Variants in LRRC37B observed in about 807,000 individuals in gnomAD.
LRRC37B encodes the protein leucine-rich repeat-containing protein 37B.
A neutral mutation model predicts 98.3 loss-of-function variants in LRRC37B; 28 were observed. The ratio of observed to expected loss-of-function variants is 0.28; its 90% CI spans 0.21 to 0.39. The LOEUF (loss-of-function observed/expected upper bound fraction) is 0.39, where lower values mean the gene tolerates loss of function less well. Ranked by LOEUF, LRRC37B falls within the 10% of genes least tolerant of loss-of-function variation. The probability of loss-of-function intolerance (pLI) is 1.00; values close to 1 mark genes in which losing one functional copy is unlikely to be tolerated. For synonymous variants in LRRC37B, 364 were observed against 442.7 expected, an observed-to-expected ratio of 0.82 and a Z score of 2.23; for missense variants, 938 against 1,182.7, an observed-to-expected ratio of 0.79 and a Z score of 3.03.
upstream of LRRC37B, chr17:32,007,865 C>T: frequency 9.0e-7 from 1 of 1,113,720 alleles, no homozygotes; most frequent in Non-Finnish European, 1.1e-6. This position sits in a 1 kb window ranked among gnomAD's most constrained non-coding sequence, Gnocchi z 4.1. Flanking sequence ...CACCAGCGCA[C>T]GGGCCCGGCG....
intron 7 of LRRC37B, among the ~76,000 whole-genome samples, chr17:32,039,475 T>TAAAA (rs1290296086): frequency 6.9e-5 from 4 of 57,734 alleles, no homozygotes; most frequent in African/African-American, 2.0e-4. Context: ...AGAACCTGCC[T>TAAAA]AAAAATATAT....
chr17:32,032,498 G>A (rs2142249496), intron 5 of LRRC37B, among the ~76,000 whole-genome samples: 1 of 152,060 alleles, frequency 6.6e-6, no homozygotes, highest in African/African-American at 2.4e-5. Context: ...AATCAGAGTG[G>A]GTATATTCAA....
Position 32,047,905 on chromosome 17 carries a change from A to G in LRRC37B, c.2464+4A>G. 6.2e-7 allele frequency: 1 copy of G among 1,614,162 alleles called. No homozygotes were observed. Among genetic ancestry groups the G allele is most frequent in the Non-Finnish European group, 8.5e-7 (1 of 1,180,014 alleles). On this transcript the variant is annotated splice_donor_region_variant and intron_variant, in intron 9 of 11. Transcript: ENST00000327564. ...ATCAACTTGTCAGGCTTTGGGGGTG[A>G]GCAGCTAGACACCAATGACGAGAGT... is the stretch of plus-strand genomic sequence containing the variant.
chr17:32,015,306 CAAGT>C (rs1910626528), intron 1 of LRRC37B, among the ~76,000 whole-genome samples: 2 of 152,134 alleles, frequency 1.3e-5, no homozygotes, highest in East Asian at 3.8e-4. Flanking sequence ...TAACATTTGA[CAAGT>C]AAGTTTCATA....
At chr17:32,051,700 C>T (rs1447583048) in intron 11 of LRRC37B, 1 of 152,088 alleles carries the variant, frequency 6.6e-6, no homozygotes, top group African/African-American at 2.4e-5. Context: ...GACCTTGTCT[C>T]AAAAACAGCC....
At chr17:32,023,999 T>C (rs569144380) in intron 1 of LRRC37B, among the ~76,000 whole-genome samples, 606 of 151,766 alleles carry the variant, frequency 4.0e-3, no homozygotes, top group African/African-American at 0.014. Flanking sequence ...TCTTAAAGAG[T>C]ACACAATGAG....
chr17:32,013,416 A>T (rs57470968), intron 1 of LRRC37B, among the ~76,000 whole-genome samples: 2,922 of 152,234 alleles, frequency 0.019, 79 homozygotes, highest in African/African-American at 0.064. Flanking sequence ...AATACGATTG[A>T]TAATGACTGG....
intron 7 of LRRC37B, chr17:32,042,413 G>A (rs574240375): frequency 5.2e-4 from 84 of 161,228 alleles, no homozygotes; most frequent in African/African-American, 1.9e-3. Context: ...CAAGCACAAA[G>A]GCTCCAGTGA....
intron 7 of LRRC37B, chr17:32,040,917 C>T (rs1454598556): frequency 7.3e-6 from 7 of 954,660 alleles, no homozygotes; most frequent in African/African-American, 1.6e-5. Context: ...GGAGGGCCGC[C>T]GCCTGGACTT....
chr17:32,029,563 T>A (rs542651173), intron 3 of LRRC37B, among the ~76,000 whole-genome samples: 125 of 152,138 alleles, frequency 8.2e-4, no homozygotes, highest in Non-Finnish European at 1.4e-3. Context: ...CCCATTTGAA[T>A]AGGACTTTGA....
intron 7 of LRRC37B, chr17:32,040,697 G>T: frequency 2.6e-6 from 2 of 780,420 alleles, no homozygotes; most frequent in Non-Finnish European, 4.8e-6. Flanking sequence ...AGTTGGAGGG[G>T]CTCCTGAGCG....
chr17:32,050,856 C>T, intron 11 of LRRC37B, among the ~76,000 whole-genome samples: 1 of 152,176 alleles, frequency 6.6e-6, no homozygotes, highest in Non-Finnish European at 1.5e-5. Context: ...AGTGCCCATT[C>T]CTGGAGCTCG....
chr17:32,023,271 G>A lies in LRRC37B; in HGVS notation c.1760+446G>A, dbSNP rs541329339. On this transcript the variant is annotated intron_variant, in intron 1 of 11. Transcript: ENST00000327564. ...TGAGTTGCTGAGATTACAGGCATGCGCCACCACACCTGGCTAATTTTTTGT... is the reference window on the plus strand; with the variant it reads ...TGAGTTGCTGAGATTACAGGCATGCACCACCACACCTGGCTAATTTTTTGT... Among the ~76,000 whole-genome samples the A allele has an allele frequency of 2.6e-5, 4 of 152,106 alleles. 1 individual carries two copies. The highest frequency in any genetic ancestry group is 9.6e-5 in the African/African-American group (4 of 41,504).
intron 8 of LRRC37B, 163 bp from the exon 12 acceptor site, chr17:32,047,598 C>T (rs1453842049): frequency 3.0e-6 from 3 of 1,004,248 alleles, no homozygotes; most frequent in Admixed American, 2.3e-5. Flanking sequence ...TTCGTTGTTG[C>T]CATTTCATAG....
upstream of LRRC37B, chr17:32,007,887 G>T (rs980183321): frequency 2.0e-6 from 2 of 983,146 alleles, no homozygotes; most frequent in Middle Eastern, 4.0e-4. The surrounding 1 kb of genome is among the most constrained non-coding windows in gnomAD (Gnocchi z 4.1). Flanking sequence ...GGGCGCGGGG[G>T]CAGCCACCTA....
exon 1 of LRRC37B, chr17:32,021,268 C>A: frequency 6.2e-7 from 1 of 1,613,120 alleles, no homozygotes; most frequent in Non-Finnish European, 8.5e-7. Context: ...ACCTCTAACC[C>A]CCTGGGGCCA....
chr17:32,036,967 A>G (rs1393781992), intron 7 of LRRC37B, among the ~76,000 whole-genome samples: 1 of 135,898 alleles, frequency 7.4e-6, no homozygotes, highest in Non-Finnish European at 1.5e-5. Flanking sequence ...GTTGTTCCAC[A>G]TCTTCAGCAT....
upstream of LRRC37B, among the ~76,000 whole-genome samples, chr17:32,020,199 A>G (rs1910730497): frequency 6.6e-6 from 1 of 152,184 alleles, no homozygotes; most frequent in Non-Finnish European, 1.5e-5. Context: ...AGGCACTGGA[A>G]GAAGATGAAG....
At chr17:32,036,867 T>A (rs1484091972) in intron 7 of LRRC37B, among the ~76,000 whole-genome samples, 1 of 152,112 alleles carries the variant, frequency 6.6e-6, no homozygotes, top group Non-Finnish European at 1.5e-5. Context: ...ACATGCTTAG[T>A]GTATATTTAA....
Sources: gnomAD v4.1 joint callset for allele counts (sites outside exome capture counted in the v4.1 genomes callset) on GRCh38, gnomAD v4.1.1 for gene constraint, Gnocchi (gnomAD v3.1) non-coding constraint, MANE v1.5 for transcripts, NCBI Gene and HGNC (gene_info 2026-07-23, HGNC 2026-07-21) for gene names.